Variants in PZP observed in about 807,000 individuals in gnomAD.
PZP encodes PZP alpha-2-macroglobulin like.
In PZP, 150 loss-of-function variants were observed where a neutral mutation model predicts 179.8. The ratio of observed to expected loss-of-function variants is 0.83; its 90% CI spans 0.73 to 0.96. PZP has a LOEUF of 0.96. Ranked by LOEUF, PZP falls within the 40% of genes least tolerant of loss-of-function variation. PZP has a pLI of 0.00. For synonymous variants in PZP, 624 were observed against 652.3 expected, an observed-to-expected ratio of 0.96 and a Z score of 0.66; for missense variants, 1,689 against 1,764.0, an observed-to-expected ratio of 0.96 and a Z score of 0.76.
At chr12:9,151,428 C>G (rs1940343931) in intron 33 of PZP, among the ~76,000 whole-genome samples, 176 bp downstream of exon 33, 1 of 152,086 alleles carries the variant, frequency 6.6e-6, no homozygotes, top group Admixed American at 6.5e-5. Flanking sequence ...AAAAATAGAA[C>G]AGAACACTAC....
chr12:9,169,816 A>C (rs763554200), intron 15 of PZP: 40 of 390,606 alleles, frequency 1.0e-4, no homozygotes, highest in African/African-American at 7.5e-4. Flanking sequence ...ACAAAATCTT[A>C]AGTTATGAAG....
intron 16 of PZP, 115 bp downstream of exon 16, chr12:9,169,315 G>A (rs1941818166): frequency 1.9e-6 from 2 of 1,054,368 alleles, no homozygotes; most frequent in Non-Finnish European, 2.6e-6. Flanking sequence ...ATTTTTGTCT[G>A]CTGAAAAATG....
chr12:9,153,829 G>T (rs777583973), intron 29 of PZP, among the ~76,000 whole-genome samples: 24 of 152,122 alleles, frequency 1.6e-4, no homozygotes, highest in Non-Finnish European at 2.8e-4. Context: ...GATCCTAACT[G>T]TTGAAAGAAG....
Position 9,182,005 on chromosome 12 carries a change from T to A in PZP, c.1659A>T (p.Lys553Asn), listed in dbSNP as rs776950803. 1.4e-5 allele frequency: 22 copies of A among 1,613,724 alleles called. No individual in the cohort carries two copies. Among genetic ancestry groups the A allele is most frequent in the African/African-American group, 4.0e-5 (3 of 74,880 alleles). Reference sequence around the variant, plus strand: ...TGGCTAGACAGTTTTCAATCTCAAATTTTTCAGAGTCTCCAACAACTTCTC... The same window carrying A: ...TGGCTAGACAGTTTTCAATCTCAAAATTTTCAGAGTCTCCAACAACTTCTC... ...PDGEVVGDSE[K>N]FEIENCLANK... The change falls in exon 14 of 36, where the codon AAA (lysine) becomes AAT (asparagine). Residue 553 changes from lysine (K) to asparagine (N), a missense_variant. Physicochemically the swap from Lys to Asn is moderately conservative, Grantham distance 94 (BLOSUM62 0). Transcript: ENST00000261336.
In PZP at chr12:9,201,032, C is replaced by T; in HGVS notation, c.530G>A (p.Trp177Ter). ...GCCAGCTTCTAGCTTGAGACTCTGC[C>T]ATTGTGCAATTCGATTTCTTCTTGG... ...ENPRRNRIAQ[W>*]QSLKLEAGIN... Residue 177 changes from tryptophan (W) to a stop codon, truncating the protein, a stop_gained, in exon 6 of 36, where the codon TGG becomes TAG. Coordinates refer to ENST00000261336, the MANE Select transcript of PZP (RefSeq NM_002864.3). LOFTEE classifies it high-confidence loss of function. The T allele has an allele frequency of 6.2e-7, 1 of 1,614,058 alleles. No homozygotes were observed.
chr12:9,176,166 A>C (rs753829532), intron 15 of PZP, among the ~76,000 whole-genome samples: 2 of 152,336 alleles, frequency 1.3e-5, no homozygotes, highest in Middle Eastern at 3.4e-3. Flanking sequence ...AGAGACATGG[A>C]TAGAGCTGAA....
chr12:9,207,720 T>C (rs1944507924), intron 1 of PZP, among the ~76,000 whole-genome samples: 1 of 152,186 alleles, frequency 6.6e-6, no homozygotes, highest in African/African-American at 2.4e-5. Flanking sequence ...CACAGTTCTC[T>C]AGACACTATA....
In PZP at chr12:9,157,809, G is replaced by C. The variant is rs761041310; in HGVS notation, c.3327C>G (p.Ala1109=). The C allele has an allele frequency of 6.2e-7, 1 of 1,614,112 alleles. No individual in the cohort carries two copies. Among genetic ancestry groups the C allele is most frequent in the Admixed American group, 1.7e-5 (1 of 60,020 alleles). ...GGVEDEATLS[A]YVTIALLEIP... is the part of the protein sequence containing the mutation. ...TTTCCAGAAGGGCAATAGTAACATA[G>C]GCGGAGAGGGTCGCTTCATCTTCTA... Residue 1109 remains alanine, a synonymous_variant, in exon 27 of 36, where the codon GCC becomes GCG. Coordinates refer to ENST00000261336, the MANE Select transcript of PZP (RefSeq NM_002864.3).
rs539380622 is a variant in PZP, at chr12:9,165,908, C to T, written c.2258+144G>A. The stretch of plus-strand genomic sequence containing the variant: ...TTGTATTAATGAGCCTATGCAATTG[C>T]GCATTTTACTTAGGTCTATCCTAAA... On this transcript the variant is annotated intron_variant, in intron 18 of 35. Coordinates refer to ENST00000261336, the MANE Select transcript of PZP (RefSeq NM_002864.3). 552 of 947,266 alleles carry T rather than the reference C, an allele frequency of 5.8e-4. 4 individuals carry two copies. In the South Asian group the frequency reaches 8.6e-3, roughly 15 times the overall value. 58.7% of individuals were successfully genotyped at this position (947,266 alleles called of 1,614,324 possible).
intron 15 of PZP, among the ~76,000 whole-genome samples, chr12:9,173,613 T>G (rs890538989): frequency 3.3e-5 from 5 of 151,738 alleles, no homozygotes; most frequent in Non-Finnish European, 5.9e-5. Flanking sequence ...AAGAAAAGAA[T>G]CAAGTAGACA....
At chr12:9,155,448 C>G (rs1940681618) in intron 28 of PZP, among the ~76,000 whole-genome samples, 1 of 152,048 alleles carries the variant, frequency 6.6e-6, no homozygotes, top group Admixed American at 6.5e-5. Flanking sequence ...TAATTCAACT[C>G]AGAATTAAAA....
At position 9,149,009 on chromosome 12, in the gene PZP, A is replaced by C; in HGVS notation, c.4427-15T>G. The C allele has an allele frequency of 6.2e-7, 1 of 1,609,390 alleles. No homozygotes were observed. Among genetic ancestry groups the C allele is most frequent in the Admixed American group, 1.7e-5 (1 of 59,990 alleles). On this transcript the variant is annotated splice_polypyrimidine_tract_variant and intron_variant, in intron 35 of 35. Coordinates refer to ENST00000261336, the MANE Select transcript of PZP (RefSeq NM_002864.3). The stretch of plus-strand genomic sequence containing the variant: ...ATGCTCTGTATCTATGGAGAAAAGA[A>C]AAACGTAAGGAGGTTGTATCATTTC...
chr12:9,184,057 G>GA (rs1178238504), intron 13 of PZP, among the ~76,000 whole-genome samples: 1 of 151,962 alleles, frequency 6.6e-6, no homozygotes, highest in Non-Finnish European at 1.5e-5. Context: ...CATAAAACCA[G>GA]AAAAAAAATT....
Position 9,208,369 on chromosome 12 carries a change from C to A in PZP, c.-28G>T, listed in dbSNP as rs746824102. On this transcript the variant is annotated 5_prime_UTR_variant, in exon 1 of 36. Coordinates refer to ENST00000261336, the MANE Select transcript of PZP (RefSeq NM_002864.3). ...TGAGGGATAAATCTCAGGGTTGTGT[C>A]CAACTCTCTGCCCTCAGCCTCGCCC... 1.9e-6 allele frequency: 3 copies of A among 1,584,040 alleles called. No individual in the cohort carries two copies. Among genetic ancestry groups the A allele is most frequent in the Non-Finnish European group, 2.6e-6 (3 of 1,153,528 alleles).
At chr12:9,175,503 A>G (rs1942302974) in intron 15 of PZP, among the ~76,000 whole-genome samples, 1 of 152,208 alleles carries the variant, frequency 6.6e-6, no homozygotes. Flanking sequence ...AGCAAAAGGA[A>G]CTATCATTAG....
chr12:9,184,864 T>C (rs1235244637), intron 13 of PZP, among the ~76,000 whole-genome samples: 2 of 152,200 alleles, frequency 1.3e-5, no homozygotes, highest in Admixed American at 1.3e-4. Flanking sequence ...GTCAGTTGAC[T>C]GAACTCACCT....
At chr12:9,162,074 G>T (rs773712249) in intron 22 of PZP, among the ~76,000 whole-genome samples, 5 of 152,216 alleles carry the variant, frequency 3.3e-5, no homozygotes, top group East Asian at 1.9e-4. Context: ...CGATTCTCGT[G>T]CCCCAGCCCC....
At position 9,182,207 on chromosome 12, in the gene PZP, T is replaced by C. The variant is rs1217244177; in HGVS notation, c.1547-90A>G. 1.2e-5 allele frequency: 13 copies of C among 1,096,888 alleles called. No homozygotes were observed. In the Admixed American group the frequency reaches 1.4e-4, roughly 12 times the overall value. 67.9% of individuals were successfully genotyped at this position (1,096,888 alleles called of 1,614,324 possible). ...TCATAAGGACACTATTGCTTGGTCT[T>C]ATCCACTTGAGAACTGCGTCCATTC... is the stretch of plus-strand genomic sequence containing the variant. On this transcript the variant is annotated intron_variant, in intron 13 of 35. Coordinates refer to ENST00000261336, the MANE Select transcript of PZP (RefSeq NM_002864.3).
chr12:9,169,752 G>T, intron 15 of PZP, 161 bp from the exon 16 acceptor site: 2 of 589,398 alleles, frequency 3.4e-6, no homozygotes, highest in Non-Finnish European at 5.2e-6. Flanking sequence ...ATTTAACAGT[G>T]TTGTTTTGTT....
Sources: allele counts gnomAD v4.1 joint callset (sites outside exome capture counted in the v4.1 genomes callset), GRCh38; gene constraint gnomAD v4.1.1; transcripts MANE v1.5; gene names NCBI Gene and HGNC (gene_info 2026-07-23, HGNC 2026-07-21).